Variants in RASGEF1C observed in about 807,000 individuals in gnomAD.
RASGEF1C encodes the protein ras-GEF domain-containing family member 1C.
A neutral mutation model predicts 58.1 loss-of-function variants in RASGEF1C; 27 were observed. The ratio of observed to expected loss-of-function variants is 0.46; its 90% CI spans 0.34 to 0.64. The LOEUF is 0.64. Ranked by LOEUF, RASGEF1C falls within the 30% of genes least tolerant of loss-of-function variation. RASGEF1C has a pLI of 0.01. For synonymous variants in RASGEF1C, 243 were observed against 246.3 expected, an observed-to-expected ratio of 0.99 and a Z score of 0.13; for missense variants, 502 against 605.1, an observed-to-expected ratio of 0.83 and a Z score of 1.79.
intron 1 of RASGEF1C, among the ~76,000 whole-genome samples, chr5:180,194,176 A>C (rs1756221715): frequency 6.6e-6 from 1 of 152,166 alleles, no homozygotes; most frequent in African/African-American, 2.4e-5. Flanking sequence ...CGGGGAGGGC[A>C]GCCGAACGCG....
At chr5:180,149,435 T>A (rs62406063) in intron 1 of RASGEF1C, among the ~76,000 whole-genome samples, 1 of 151,166 alleles carries the variant, frequency 6.6e-6, no homozygotes, top group African/African-American at 2.4e-5. Flanking sequence ...ATAATCTTAC[T>A]GAGGATCAGT....
intron 1 of RASGEF1C, among the ~76,000 whole-genome samples, chr5:180,154,543 T>C (rs1766821704): frequency 6.6e-6 from 1 of 151,660 alleles, no homozygotes; most frequent in Admixed American, 6.6e-5. Context: ...GTGGACAAGT[T>C]ACCAGCTGCT....
intron 1 of RASGEF1C, among the ~76,000 whole-genome samples, chr5:180,202,771 C>T (rs1387993071): frequency 6.0e-5 from 9 of 150,706 alleles, no homozygotes; most frequent in Admixed American, 4.0e-4. Flanking sequence ...GGCACAATCT[C>T]GGCTCACTGC....
At chr5:180,103,597 T>G (rs1323372380) in intron 12 of RASGEF1C, among the ~76,000 whole-genome samples, 1 of 152,226 alleles carries the variant, frequency 6.6e-6, no homozygotes, top group Non-Finnish European at 1.5e-5. Context: ...TGTAGATTCT[T>G]TGGGATTTTT....
In RASGEF1C at chr5:180,209,110, CCCGCCG is replaced by C. The variant is rs768278930; in HGVS notation, c.-95_-90del. Reference sequence around the variant, plus strand: ...CTCGGCGCCGCGGACCGGGGCGCCGCCCGCCGCCGCCGCCGCCGCCGCCGCCGCCGC... The same window carrying C: ...CTCGGCGCCGCGGACCGGGGCGCCGCCCGCCGCCGCCGCCGCCGCCGCCGC... On this transcript the variant is annotated 5_prime_UTR_variant, in exon 1 of 14. Coordinates refer to ENST00000361132, the MANE Select transcript of RASGEF1C (RefSeq NM_175062.4). 0.11 allele frequency: 16,195 copies of C among 144,494 alleles called. 1,082 individuals carry two copies. The highest frequency in any genetic ancestry group is 0.13 in the Non-Finnish European group (8,486 of 65,008). 9.0% of individuals were successfully genotyped at this position (144,494 alleles called of 1,614,324 possible).
chr5:180,204,656 A>ATCTATCTATCTC (rs1176145214), intron 1 of RASGEF1C, among the ~76,000 whole-genome samples: 1 of 144,490 alleles, frequency 6.9e-6, no homozygotes, highest in African/African-American at 2.5e-5. Context: ...CTATCTATCT[A>ATCTATCTATCTC]TCTCATCTAT....
At position 180,137,665 on chromosome 5, in the gene RASGEF1C, C is replaced by T. The variant is rs754290360; in HGVS notation, c.225G>A (p.Glu75=). 1 of 1,612,880 alleles carries T rather than the reference C, an allele frequency of 6.2e-7. No homozygotes were observed. The highest frequency in any genetic ancestry group is 8.5e-7 in the Non-Finnish European group (1 of 1,180,002). ...AGACCCGGGCCAGGAGCTCCCGGGG[C>T]TCGATGAAGAGGCGAGAGCTCAGCA... is the stretch of plus-strand genomic sequence containing the variant. The part of the protein sequence containing the change: ...TFLLSSRLFI[E]PRELLARVCH... The change falls in exon 3 of 14, where the codon GAG becomes GAA. Residue 75 remains glutamate, a synonymous_variant. Coordinates refer to ENST00000361132, the MANE Select transcript of RASGEF1C (RefSeq NM_175062.4). This position sits in a 1 kb window ranked among gnomAD's most constrained non-coding sequence, Gnocchi z 4.1.
chr5:180,194,562 A>G (rs1389212466), intron 1 of RASGEF1C, among the ~76,000 whole-genome samples: 1 of 152,206 alleles, frequency 6.6e-6, no homozygotes, highest in Non-Finnish European at 1.5e-5. Context: ...CACGTTCACA[A>G]AAACCACTGA....
intron 1 of RASGEF1C, among the ~76,000 whole-genome samples, chr5:180,200,867 T>G (rs1194366917): frequency 6.6e-6 from 1 of 151,182 alleles, no homozygotes; most frequent in African/African-American, 2.4e-5. Flanking sequence ...CTGGCATTGG[T>G]GGGGTGAGGG....
chr5:180,178,420 C>T (rs572038278), intron 1 of RASGEF1C, among the ~76,000 whole-genome samples: 12 of 151,214 alleles, frequency 7.9e-5, no homozygotes, highest in Non-Finnish European at 1.0e-4. Flanking sequence ...ACTGGGACTA[C>T]AGGCATGTAC....
At chr5:180,161,381 G>T (rs1766941108) in intron 1 of RASGEF1C, among the ~76,000 whole-genome samples, 1 of 152,276 alleles carries the variant, frequency 6.6e-6, no homozygotes, top group African/African-American at 2.4e-5. Flanking sequence ...AGCGGAGGTG[G>T]CAAGAACTGG....
chr5:180,115,592 C>T (rs531045334), intron 10 of RASGEF1C, among the ~76,000 whole-genome samples: 55 of 152,284 alleles, frequency 3.6e-4, no homozygotes, highest in African/African-American at 1.3e-3. Context: ...GGTTTAGTCT[C>T]CATCTGTGCT....
chr5:180,103,221 GTA>G (rs1765822005), intron 12 of RASGEF1C, among the ~76,000 whole-genome samples: 1 of 152,108 alleles, frequency 6.6e-6, no homozygotes, highest in Non-Finnish European at 1.5e-5. Flanking sequence ...GGGACTACAG[GTA>G]CCCACCACCA....
At chr5:180,191,557 C>T (rs1212075104) in intron 1 of RASGEF1C, among the ~76,000 whole-genome samples, 3 of 152,176 alleles carry the variant, frequency 2.0e-5, no homozygotes, top group South Asian at 2.1e-4. Flanking sequence ...GGGATTTCAC[C>T]GTGTTAGCCA....
intron 1 of RASGEF1C, among the ~76,000 whole-genome samples, chr5:180,205,369 A>G (rs1004078843): frequency 3.3e-5 from 5 of 152,212 alleles, no homozygotes; most frequent in Non-Finnish European, 7.3e-5. Context: ...ACTCATGAAT[A>G]AACTTCATAA....
chr5:180,207,152 AC>A (rs1756502619), intron 1 of RASGEF1C, among the ~76,000 whole-genome samples: 1 of 152,180 alleles, frequency 6.6e-6, no homozygotes, highest in African/African-American at 2.4e-5. Flanking sequence ...CTGCCTGCAC[AC>A]CCGTGGAAAT....
At chr5:180,106,376 G>T (rs978263733) in intron 12 of RASGEF1C, among the ~76,000 whole-genome samples, 1 of 152,166 alleles carries the variant, frequency 6.6e-6, no homozygotes, top group Non-Finnish European at 1.5e-5. Context: ...TAGGAACTTA[G>T]ATTATTGATT....
At chr5:180,166,457 T>A (rs922584726) in intron 1 of RASGEF1C, among the ~76,000 whole-genome samples, 1 of 151,814 alleles carries the variant, frequency 6.6e-6, no homozygotes, top group Non-Finnish European at 1.5e-5. Flanking sequence ...CAACACACCC[T>A]CTTAGCTTCC....
At chr5:180,199,076 A>G (rs1581131870) in intron 1 of RASGEF1C, among the ~76,000 whole-genome samples, 1 of 151,610 alleles carries the variant, frequency 6.6e-6, no homozygotes, top group South Asian at 2.1e-4. Flanking sequence ...CTCCTCCCCA[A>G]CCCCCACCTG....
Sources: gnomAD v4.1 joint callset for allele counts (sites outside exome capture counted in the v4.1 genomes callset) on GRCh38, gnomAD v4.1.1 for gene constraint, Gnocchi (gnomAD v3.1) non-coding constraint, MANE v1.5 for transcripts, NCBI Gene and HGNC (gene_info 2026-07-23, HGNC 2026-07-21) for gene names.